The following CTNNBL1 variants were observed in gnomAD, a reference collection of about 807,000 sequenced individuals.
CTNNBL1 encodes the protein beta-catenin-like protein 1.
In CTNNBL1, 31 loss-of-function variants were observed where a neutral mutation model predicts 72.7. That is an observed-to-expected ratio of 0.43 (90% confidence interval 0.32 to 0.58). The LOEUF (loss-of-function observed/expected upper bound fraction) is 0.58, where lower values mean the gene tolerates loss of function less well. Among genes scored for constraint, CTNNBL1 ranks in the 20% least tolerant of loss-of-function variants. The probability of loss-of-function intolerance (pLI) is 0.08; values close to 1 mark genes in which losing one functional copy is unlikely to be tolerated. For missense variants in CTNNBL1, 534 were observed against 725.1 expected, an observed-to-expected ratio of 0.74 and a Z score of 3.03; for synonymous variants, 240 against 267.3, an observed-to-expected ratio of 0.90 and a Z score of 1.00.
chr20:37,829,515 C>T (rs966990907), intron 11 of CTNNBL1, among the ~76,000 whole-genome samples: 1 of 152,302 alleles, frequency 6.6e-6, no homozygotes. Context: ...CATAGTCCAA[C>T]GTTCATATTT....
intron 13 of CTNNBL1, among the ~76,000 whole-genome samples, chr20:37,848,083 C>A (rs2072362111): frequency 6.6e-6 from 1 of 150,504 alleles, no homozygotes. Flanking sequence ...CTGGAAGATT[C>A]TGGGGCAAGC....
At chr20:37,764,278 C>A (rs1432034047) in intron 5 of CTNNBL1, among the ~76,000 whole-genome samples, 2 of 152,204 alleles carry the variant, frequency 1.3e-5, no homozygotes, top group Non-Finnish European at 2.9e-5. Flanking sequence ...GCTTAAGAAT[C>A]CATTACCAGA....
chr20:37,815,076 A>AGTGTGTGTGTGTGTGTGTGTGT (rs11474436), intron 11 of CTNNBL1, among the ~76,000 whole-genome samples: 3 of 147,392 alleles, frequency 2.0e-5, no homozygotes, highest in African/African-American at 7.6e-5. Flanking sequence ...GGACTCTGTG[A>AGTGTGTGTGTGTGTGTGTGTGT]GTGTGTGTGT....
intron 10 of CTNNBL1, among the ~76,000 whole-genome samples, chr20:37,792,216 T>C (rs868679036): frequency 1.3e-5 from 2 of 152,206 alleles, no homozygotes; most frequent in Admixed American, 6.5e-5. Flanking sequence ...TAGAGGCTTA[T>C]CAGTTTTATT....
chr20:37,721,444 A>G (rs929615728), intron 1 of CTNNBL1, among the ~76,000 whole-genome samples: 1 of 152,234 alleles, frequency 6.6e-6, no homozygotes, highest in Non-Finnish European at 1.5e-5. Context: ...AACAGTAACA[A>G]TATCAAAGCA....
Position 37,802,877 on chromosome 20 carries a change from A to G in CTNNBL1, c.1042A>G (p.Ile348Val), listed in dbSNP as rs781022065. The G allele has an allele frequency of 1.9e-6, 3 of 1,611,162 alleles. No homozygotes were observed. The Admixed American group carries it at 5.0e-5, about 27-fold the overall frequency. ...CTCTTTTGTTCACAGGGAAAAGAAG[A>G]TCTCCCGGAGCAGTGCCCTGAAAGT... ...LMNLMLREKK[I>V]SRSSALKVLD... Residue 348 changes from isoleucine (I) to valine (V), a missense_variant, in exon 11 of 16, where the codon ATC becomes GTC. Coordinates refer to ENST00000361383, the MANE Select transcript of CTNNBL1 (RefSeq NM_030877.5).
At chr20:37,833,009 G>A (rs534022095) in intron 11 of CTNNBL1, among the ~76,000 whole-genome samples, 7 of 152,310 alleles carry the variant, frequency 4.6e-5, no homozygotes, top group Non-Finnish European at 8.8e-5. Flanking sequence ...TGTTACATTT[G>A]TGTATGTGTT....
intron 1 of CTNNBL1, among the ~76,000 whole-genome samples, chr20:37,707,205 T>A (rs895343181): frequency 6.6e-6 from 1 of 152,198 alleles, no homozygotes; most frequent in African/African-American, 2.4e-5. Flanking sequence ...AAGTCATTAG[T>A]CCCTAAGAAG....
intron 1 of CTNNBL1, among the ~76,000 whole-genome samples, chr20:37,715,486 G>A (rs944636498): frequency 3.9e-5 from 6 of 152,186 alleles, no homozygotes; most frequent in African/African-American, 1.4e-4. Context: ...AATTCTTTAT[G>A]GTTTCTGTAA....
chr20:37,805,409 CTT>C (rs11086324), intron 11 of CTNNBL1, among the ~76,000 whole-genome samples: 148 of 121,546 alleles, frequency 1.2e-3, no homozygotes, highest in East Asian at 2.1e-3. Flanking sequence ...TTTTTTTTTC[CTT>C]TTTTTTTTTT....
chr20:37,775,688 T>A (rs1003521193), intron 7 of CTNNBL1, among the ~76,000 whole-genome samples: 1 of 152,236 alleles, frequency 6.6e-6, no homozygotes, highest in African/African-American at 2.4e-5. Flanking sequence ...CCCTGTTTGT[T>A]CTCTTGCTTA....
chr20:37,708,141 G>C (rs2072905371), intron 1 of CTNNBL1, among the ~76,000 whole-genome samples: 1 of 151,746 alleles, frequency 6.6e-6, no homozygotes. Flanking sequence ...ATGTGACACA[G>C]ACATGAAGTG....
chr20:37,732,934 G>T lies in CTNNBL1; in HGVS notation c.86G>T (p.Arg29Leu). The T allele has an allele frequency of 6.2e-7, 1 of 1,614,042 alleles. No individual in the cohort carries two copies. Among genetic ancestry groups the T allele is most frequent in the Non-Finnish European group, 8.5e-7 (1 of 1,180,024 alleles). The change falls in exon 2 of 16, where the codon CGT (arginine) becomes CTT (leucine). Residue 29 changes from arginine (R) to leucine (L), a missense_variant. Physicochemically the swap from Arg to Leu is moderately radical, Grantham distance 102. Transcript: ENST00000361383. ...GATGAAGAGGAGGAGCAGAAGATGC[G>T]TCGGAAACAAACTGGTACTCGAGAA... ...RDDEEEEQKM[R>L]RKQTGTRERG...
intron 1 of CTNNBL1, among the ~76,000 whole-genome samples, chr20:37,705,860 T>C (rs1178764133): frequency 6.6e-6 from 1 of 152,220 alleles, no homozygotes; most frequent in African/African-American, 2.4e-5. Context: ...GGAATTCTGA[T>C]ACTGCTTTTA....
At chr20:37,866,045 A>C (rs1422184338) in intron 15 of CTNNBL1, among the ~76,000 whole-genome samples, 1 of 152,178 alleles carries the variant, frequency 6.6e-6, no homozygotes. Flanking sequence ...TTTGGATGAC[A>C]TGTTGGCATG....
chr20:37,723,299 C>T (rs1174610297), intron 1 of CTNNBL1, among the ~76,000 whole-genome samples: 1 of 152,198 alleles, frequency 6.6e-6, no homozygotes, highest in African/African-American at 2.4e-5. Flanking sequence ...GTCAGCCAAT[C>T]AGATTACAGA....
intron 11 of CTNNBL1, among the ~76,000 whole-genome samples, chr20:37,808,324 CT>C (rs2071978547): frequency 6.6e-6 from 1 of 152,140 alleles, no homozygotes; most frequent in Non-Finnish European, 1.5e-5. Context: ...ACGCCGCCTC[CT>C]AGGATTAGAA....
At chr20:37,800,335 C>T (rs1180986009) in intron 10 of CTNNBL1, among the ~76,000 whole-genome samples, 1 of 152,160 alleles carries the variant, frequency 6.6e-6, no homozygotes, top group Non-Finnish European at 1.5e-5. Context: ...TCTTGGGGTT[C>T]CTCCTCCAGG....
chr20:37,868,182 C>T (rs2072552690), intron 15 of CTNNBL1, among the ~76,000 whole-genome samples: 1 of 152,196 alleles, frequency 6.6e-6, no homozygotes, highest in East Asian at 1.9e-4. Context: ...GGAATGCTCA[C>T]AGAGCAGAGT....
Sources: allele counts gnomAD v4.1 joint callset (sites outside exome capture counted in the v4.1 genomes callset), GRCh38; gene constraint gnomAD v4.1.1; transcripts MANE v1.5; gene names NCBI Gene and HGNC (gene_info 2026-07-23, HGNC 2026-07-21).